The following FYTTD1 variants were observed in gnomAD, a reference collection of about 807,000 sequenced individuals.
The protein encoded by FYTTD1 is forty-two-three domain containing 1.
FYTTD1 carries 22 observed loss-of-function variants against 40.9 expected under a neutral mutation model. The ratio of observed to expected loss-of-function variants is 0.54; its 90% CI spans 0.38 to 0.77. The LOEUF is 0.77. Ranked by LOEUF, FYTTD1 falls within the 30% of genes least tolerant of loss-of-function variation. The probability of loss-of-function intolerance (pLI) is 0.00; values close to 1 mark genes in which losing one functional copy is unlikely to be tolerated. For synonymous variants in FYTTD1, 140 were observed against 137.9 expected (o/e 1.01, Z -0.10); for missense variants, 351 against 392.2 (o/e 0.90, Z 0.89).
At chr3:197,765,541 T>C (rs1729518859) in intron 2 of FYTTD1, among the ~76,000 whole-genome samples, 1 of 152,026 alleles carries the variant, frequency 6.6e-6, no homozygotes, top group Non-Finnish European at 1.5e-5. Flanking sequence ...AAACCACACA[T>C]AGGGCAGCAA....
intron 4 of FYTTD1, 129 bp downstream of exon 4, chr3:197,770,373 T>C (rs893055390): frequency 3.1e-6 from 2 of 643,880 alleles, no homozygotes; most frequent in Non-Finnish European, 5.6e-6. Context: ...ATTTGGGATG[T>C]CTATCTGAAC....
At chr3:197,779,209 G>A (rs1729956715) in intron 8 of FYTTD1, among the ~76,000 whole-genome samples, 5 of 152,222 alleles carry the variant, frequency 3.3e-5, no homozygotes, top group Admixed American at 3.3e-4. Flanking sequence ...GAAGTCAGGA[G>A]TTCGAGACCA....
chr3:197,778,250 C>A, intron 7 of FYTTD1, 88 bp from the exon 8 acceptor site: 2 of 994,862 alleles, frequency 2.0e-6, no homozygotes, highest in Non-Finnish European at 2.8e-6. Flanking sequence ...TACATTTGAA[C>A]ATGTGTACAA....
chr3:197,760,179 C>A (rs1729336457), intron 2 of FYTTD1, among the ~76,000 whole-genome samples: 1 of 151,302 alleles, frequency 6.6e-6, no homozygotes, highest in Admixed American at 6.6e-5. Flanking sequence ...AGTTGTTCCT[C>A]AGTGGTAGAA....
At chr3:197,774,054 C>T (rs1474119147) in intron 5 of FYTTD1, 95 bp from the exon 6 acceptor site, 31 of 1,006,490 alleles carry the variant, frequency 3.1e-5, no homozygotes, top group Non-Finnish European at 4.6e-5. Flanking sequence ...CTCATGTACA[C>T]GCACCACTGG....
Position 197,782,028 on chromosome 3 carries a change from T to C in FYTTD1, c.*119T>C. On this transcript the variant is annotated 3_prime_UTR_variant, in exon 9 of 9. Coordinates refer to ENST00000241502, the MANE Select transcript of FYTTD1 (RefSeq NM_032288.7). Reference sequence around the variant, plus strand: ...TATTCACAAGGCTAAATAACTCTTATTTTTATTTTTGAAGGTTTTTTTTTT... The same window carrying C: ...TATTCACAAGGCTAAATAACTCTTACTTTTATTTTTGAAGGTTTTTTTTTT... 2 of 487,224 alleles carry C rather than the reference T, an allele frequency of 4.1e-6. No individual in the cohort carries two copies. Among genetic ancestry groups the C allele is most frequent in the Non-Finnish European group, 7.1e-6 (2 of 280,258 alleles). 30.2% of individuals were successfully genotyped at this position (487,224 alleles called of 1,614,324 possible).
At chr3:197,773,721 A>G (rs2109051065) in intron 5 of FYTTD1, among the ~76,000 whole-genome samples, 3 of 152,362 alleles carry the variant, frequency 2.0e-5, no homozygotes, top group Middle Eastern at 6.8e-3. Flanking sequence ...TTATTTGGGA[A>G]TAAACCTGTA....
At chr3:197,758,099 C>T (rs1230917997) in intron 2 of FYTTD1, among the ~76,000 whole-genome samples, 2 of 152,092 alleles carry the variant, frequency 1.3e-5, no homozygotes, top group South Asian at 2.1e-4. Flanking sequence ...GACAGGGTTT[C>T]TCCACGTTGG....
chr3:197,749,841 G>A, upstream of FYTTD1: 1 of 525,322 alleles, frequency 1.9e-6, no homozygotes, highest in Non-Finnish European at 3.1e-6. Context: ...CCGCAGCCGC[G>A]GGTGGAGACC....
Position 197,750,914 on chromosome 3 carries a change from T to G in FYTTD1, c.103+840T>G, listed in dbSNP as rs905502355. 3 of 925,104 alleles carry G rather than the reference T, an allele frequency of 3.2e-6. No homozygotes were observed. The African/African-American group carries it at 5.4e-5, about 17-fold the overall frequency. The allele number at this position is 925,104 out of a possible 1,614,324, so 57.3% of individuals were successfully genotyped here. A position where few individuals can be genotyped will look rare whatever the true frequency, so the allele number is the denominator to read the frequency against. On this transcript the variant is annotated intron_variant, in intron 1 of 8. Coordinates refer to ENST00000241502, the MANE Select transcript of FYTTD1 (RefSeq NM_032288.7). ...CGGGAGGTTGGTGATTCCATTAAAA[T>G]CCAGCCCTGACACTACCGAGGCACC...
At position 197,786,629 on chromosome 3, in the gene FYTTD1, C is replaced by T. The variant is rs1196351320; in HGVS notation, c.*4720C>T. On this transcript the variant is annotated 3_prime_UTR_variant, in exon 9 of 9. Transcript: ENST00000241502. ...AAAAGAATCATATTGTCTGAATTTT[C>T]CTGTATAAAGTTTAAAAAAGTTAAT... 6.6e-6 allele frequency: 1 copy of T among 152,032 alleles called. No individual in the cohort carries two copies. Among genetic ancestry groups the T allele is most frequent in the East Asian group, 1.9e-4 (1 of 5,200 alleles). The allele number at this position is 152,032 out of a possible 1,614,324, so 9.4% of individuals were successfully genotyped here.
At position 197,778,078 on chromosome 3, in the gene FYTTD1, T is replaced by G. The variant is rs868198070; in HGVS notation, c.732-260T>G. 1.6e-4 allele frequency among the ~76,000 whole-genome samples: 25 copies of G among 152,368 alleles called. No homozygotes were observed. In the Middle Eastern group the frequency reaches 0.01, roughly 62 times the overall value. ...GGGTACCTAGGACTTTAGAGGTTGC[T>G]TTATTTTAATGGAAGATCAAGAGTT... On this transcript the variant is annotated intron_variant, in intron 7 of 8. Coordinates refer to ENST00000241502, the MANE Select transcript of FYTTD1 (RefSeq NM_032288.7).
Position 197,756,478 on chromosome 3 carries a change from A to T in FYTTD1, c.156A>T (p.Arg52Ser). 1 of 1,611,516 alleles carries T rather than the reference A, an allele frequency of 6.2e-7. No individual in the cohort carries two copies. The highest frequency in any genetic ancestry group is 1.1e-5 in the South Asian group (1 of 91,034). Residue 52 changes from arginine (R) to serine (S), a missense_variant, in exon 2 of 9, where the codon AGA (arginine) becomes AGT (serine). Coordinates refer to ENST00000241502, the MANE Select transcript of FYTTD1 (RefSeq NM_032288.7). ...AAGGGAAGAAGCAGAATTTTCCAAG[A>T]CTAAATAGAAGACTCCTCCAGCAAA... is the stretch of plus-strand genomic sequence containing the variant. ...RKEGKKQNFP[R>S]LNRRLLQQSG... is the part of the protein sequence containing the mutation.
intron 4 of FYTTD1, 132 bp downstream of exon 4, chr3:197,770,376 A>G (rs1166175421): frequency 3.0e-5 from 19 of 639,106 alleles, no homozygotes; most frequent in Non-Finnish European, 5.6e-6. Flanking sequence ...TGGGATGTCT[A>G]TCTGAACATC....
intron 2 of FYTTD1, chr3:197,763,382 C>G: frequency 3.2e-6 from 1 of 309,924 alleles, no homozygotes. Context: ...CCATTGCACT[C>G]CAGCCTGGGC....
At chr3:197,776,384 G>T (rs594895) in intron 6 of FYTTD1, among the ~76,000 whole-genome samples, 105,856 of 134,316 alleles carry the variant, frequency 0.79, 42,521 homozygotes, top group East Asian at 0.99. Flanking sequence ...GCTTAAATTT[G>T]TTTTTTTTTT....
intron 2 of FYTTD1, among the ~76,000 whole-genome samples, chr3:197,764,694 G>C (rs1729488335): frequency 9.9e-6 from 1 of 100,510 alleles, no homozygotes; most frequent in Admixed American, 1.2e-4. Flanking sequence ...GGGTGACAGA[G>C]CGAGAGTCCG....
chr3:197,750,682 G>A (rs994345675), intron 1 of FYTTD1: 12 of 985,382 alleles, frequency 1.2e-5, no homozygotes, highest in Non-Finnish European at 1.4e-5. Flanking sequence ...GCAGCGCTCG[G>A]CCGCCTGTGG....
rs757847703 is a variant in FYTTD1 at position 197,778,349 on chromosome 3, C to T, written c.743C>T (p.Pro248Leu). 3 of 1,594,476 alleles carry T rather than the reference C, an allele frequency of 1.9e-6. No individual in the cohort carries two copies. Among genetic ancestry groups the T allele is most frequent in the Non-Finnish European group, 1.7e-6 (2 of 1,173,230 alleles). Residue 248 changes from proline (P) to leucine (L), a missense_variant, in exon 8 of 9, where the codon CCA becomes CTA. By Grantham distance (98) the Pro-to-Leu change is moderately conservative. Transcript: ENST00000241502. ...GAVQCPVTQK[P>L]RLTRTAVPSF... Reference sequence around the variant, plus strand: ...TATTTTTCTAATAGAACTCAGAAACCACGATTAACTCGTACTGCTGTACCT... The same window carrying T: ...TATTTTTCTAATAGAACTCAGAAACTACGATTAACTCGTACTGCTGTACCT...
Sources: gnomAD v4.1 joint callset for allele counts (sites outside exome capture counted in the v4.1 genomes callset) on GRCh38, gnomAD v4.1.1 for gene constraint, MANE v1.5 for transcripts, NCBI Gene and HGNC (gene_info 2026-07-23, HGNC 2026-07-21) for gene names.